Variants in PRPF3 observed in about 807,000 individuals in gnomAD.
PRPF3 encodes the protein U4/U6 small nuclear ribonucleoprotein Prp3.
PRPF3 carries 3 observed loss-of-function variants against 89.2 expected under a neutral mutation model. That is an observed-to-expected ratio of 0.03 (90% CI 0.02 to 0.09). The LOEUF is 0.09. PRPF3 is among the 10% of genes least tolerant of loss of function. The pLI is 1.00. For missense variants in PRPF3, 463 were observed against 828.8 expected (o/e 0.56, Z 5.42); for synonymous variants, 270 against 289.1 (o/e 0.93, Z 0.67).
rs782455177 is a variant in PRPF3 at position 150,335,032 on chromosome 1, C to T, written c.826C>T (p.His276Tyr). Residue 276 changes from histidine (H) to tyrosine (Y), a missense_variant, in exon 7 of 16, where the codon CAC becomes TAC. Physicochemically the swap from His to Tyr is moderately conservative, Grantham distance 83 (BLOSUM62 2). Around this residue, in one of 8 missense-constraint regions of PRPF3, gnomAD observed 261 missense variants for 475.8 expected, o/e 0.55. Coordinates refer to ENST00000324862, the MANE Select transcript of PRPF3 (RefSeq NM_004698.4). Reference protein sequence around the residue: ...DATGKEIELTHRMPTLKANIR... With the variant: ...DATGKEIELTYRMPTLKANIR... ...AACAGGCAAGGAGATTGAGCTGACA[C>T]ACCGCATGCCTACTCTGAAAGCCAA... The T allele has an allele frequency of 1.9e-6, 3 of 1,614,106 alleles. No individual in the cohort carries two copies. The highest frequency in any genetic ancestry group is 2.5e-6 in the Non-Finnish European group (3 of 1,180,006).
rs587685670 is a variant in PRPF3 at position 150,325,153 on chromosome 1, C to T, written c.145+66C>T. ...GACCCCAAACACTGCTTTGAACTTC[C>T]TCAAAATTCTCTCTGTTGGGAACAT... On this transcript the variant is annotated intron_variant, in intron 2 of 15. Transcript: ENST00000324862. The T allele has an allele frequency of 2.4e-4, 375 of 1,565,954 alleles. 1 individual carries two copies. Among genetic ancestry groups the T allele is most frequent in the Non-Finnish European group, 3.2e-4 (363 of 1,145,802 alleles).
chr1:150,345,730 T>C, intron 12 of PRPF3: 1 of 405,960 alleles, frequency 2.5e-6, no homozygotes, highest in Non-Finnish European at 4.6e-6. Context: ...ACAATGAGAT[T>C]GTAAGTATTT....
intron 10 of PRPF3, 81 bp from the exon 11 acceptor site, chr1:150,344,081 A>T: frequency 8.4e-7 from 1 of 1,193,426 alleles, no homozygotes; most frequent in Non-Finnish European, 1.2e-6. Context: ...AAATAATATG[A>T]ATTGGTATGG....
chr1:150,330,865 C>T (rs1055021281), intron 4 of PRPF3, among the ~76,000 whole-genome samples: 6 of 150,798 alleles, frequency 4.0e-5, no homozygotes, highest in Non-Finnish European at 7.4e-5. Context: ...TACAGGCACG[C>T]GCCACCACGC....
At chr1:150,345,828 G>A (rs1190761428) in intron 12 of PRPF3, 190 bp from the exon 13 acceptor site, 7 of 655,172 alleles carry the variant, frequency 1.1e-5, no homozygotes, top group South Asian at 8.5e-5. Context: ...AGACTTTGAA[G>A]AAATGTAAGA....
At chr1:150,345,283 C>T (rs1553872587) in intron 12 of PRPF3, among the ~76,000 whole-genome samples, 6 of 152,146 alleles carry the variant, frequency 3.9e-5, no homozygotes, top group African/African-American at 7.2e-5. Flanking sequence ...TTGCTATTAA[C>T]AGTTTTTCAC....
intron 7 of PRPF3, among the ~76,000 whole-genome samples, chr1:150,337,671 G>A (rs1324771690): frequency 2.0e-5 from 3 of 151,692 alleles, no homozygotes; most frequent in Non-Finnish European, 4.4e-5. Context: ...CCAGCTACTC[G>A]GGAGGCTGAG....
At chr1:150,325,476 A>G (rs181407876) in intron 2 of PRPF3, among the ~76,000 whole-genome samples, 127 of 152,282 alleles carry the variant, frequency 8.3e-4, no homozygotes, top group Non-Finnish European at 1.5e-3. Context: ...ACAACTTGCT[A>G]TTTGGGAAAG....
chr1:150,321,802 G>A (rs1655074756), intron 1 of PRPF3, among the ~76,000 whole-genome samples: 1 of 152,044 alleles, frequency 6.6e-6, no homozygotes, highest in Non-Finnish European at 1.5e-5. Context: ...GACCAGCTCT[G>A]GGGTGAGGAG....
At chr1:150,342,852 T>C (rs1553871716) in intron 9 of PRPF3, among the ~76,000 whole-genome samples, 1 of 152,070 alleles carries the variant, frequency 6.6e-6, no homozygotes, top group African/African-American at 2.4e-5. Flanking sequence ...ATGTTTATAA[T>C]AGAGTTGGGT....
At chr1:150,350,407 G>A (rs1375612332) in intron 15 of PRPF3, among the ~76,000 whole-genome samples, 1 of 150,190 alleles carries the variant, frequency 6.7e-6, no homozygotes. Context: ...CGCCATATTG[G>A]TCAAGCTGGT....
chr1:150,339,792 C>G lies in PRPF3; in HGVS notation c.1203-606C>G, dbSNP rs2794685. On this transcript the variant is annotated intron_variant, in intron 8 of 15. Coordinates refer to ENST00000324862, the MANE Select transcript of PRPF3 (RefSeq NM_004698.4). ...AGAGTCTCACTCTGTTGCACAATCT[C>G]GGCTCGCTGCAACCTCTGTCTCCTG... Among the ~76,000 whole-genome samples, 6 of 142,542 alleles carry G rather than the reference C, an allele frequency of 4.2e-5. 1 individual carries two copies. The highest frequency in any genetic ancestry group is 1.6e-4 in the African/African-American group (6 of 37,474). 93.5% of individuals were successfully genotyped at this position (142,542 alleles called of 152,430 possible). A position where few individuals can be genotyped will look rare whatever the true frequency, so the allele number is the denominator to read the frequency against.
intron 1 of PRPF3, among the ~76,000 whole-genome samples, chr1:150,323,223 C>G (rs587598388): frequency 8.6e-6 from 1 of 115,994 alleles, no homozygotes; most frequent in South Asian, 3.2e-4. Context: ...CTCTGTCGCT[C>G]AGGCTGGAGT....
intron 9 of PRPF3, 76 bp downstream of exon 9, chr1:150,340,553 C>CA: frequency 2.6e-6 from 3 of 1,144,458 alleles, no homozygotes; most frequent in Non-Finnish European, 1.3e-6. Context: ...GGAACATGTT[C>CA]TGTATCTATG....
chr1:150,348,564 G>A (rs1449376043), intron 14 of PRPF3: 7 of 139,376 alleles, frequency 5.0e-5, no homozygotes, highest in African/African-American at 1.9e-4. Flanking sequence ...CCAGGTTCAA[G>A]TGATTCTCCT....
intron 9 of PRPF3, among the ~76,000 whole-genome samples, chr1:150,342,984 T>C (rs894519783): frequency 6.6e-6 from 1 of 152,178 alleles, no homozygotes; most frequent in Non-Finnish European, 1.5e-5. Context: ...TTTCTTTTAA[T>C]GATATTGATA....
At chr1:150,326,505 A>G (rs1299462538) in intron 3 of PRPF3, among the ~76,000 whole-genome samples, 2 of 152,160 alleles carry the variant, frequency 1.3e-5, no homozygotes, top group African/African-American at 4.8e-5. Flanking sequence ...TAGCAGTATC[A>G]AGTAGCCTAT....
At chr1:150,336,297 C>T (rs1471002104) in intron 7 of PRPF3, among the ~76,000 whole-genome samples, 1 of 151,986 alleles carries the variant, frequency 6.6e-6, no homozygotes, top group East Asian at 1.9e-4. Context: ...GAATCTCATG[C>T]CACCGATGAT....
chr1:150,351,223 C>G (rs1370945106), intron 15 of PRPF3, among the ~76,000 whole-genome samples: 2 of 152,128 alleles, frequency 1.3e-5, no homozygotes, highest in South Asian at 4.1e-4. Flanking sequence ...CGAGATCGCA[C>G]CATTGCACTC....
Sources: gnomAD v4.1 joint callset for allele counts (sites outside exome capture counted in the v4.1 genomes callset) on GRCh38, gnomAD v4.1.1 for gene constraint, gnomAD v4.1.1 regional missense constraint, MANE v1.5 for transcripts, NCBI Gene and HGNC (gene_info 2026-07-23, HGNC 2026-07-21) for gene names.